Variants in DNAH5 observed in about 807,000 individuals in gnomAD.
The protein encoded by DNAH5 is dynein axonemal heavy chain 5.
A neutral mutation model predicts 518.2 loss-of-function variants in DNAH5; 372 were observed. The observed-to-expected ratio is 0.72, with a 90% CI of 0.66 to 0.78. The LOEUF (loss-of-function observed/expected upper bound fraction) is 0.78. DNAH5 is among the 30% of genes least tolerant of loss of function. The pLI, the probability that DNAH5 is intolerant of heterozygous loss-of-function variation, is 0.00. For synonymous variants in DNAH5, 2,039 were observed against 2,025.9 expected (o/e 1.01, Z -0.17); for missense variants, 5,523 against 5,687.0 (o/e 0.97, Z 0.93).
At chr5:13,931,376 T>A in intron 1 of DNAH5, 132 bp from the exon 2 acceptor site, 1 of 885,654 alleles carries the variant, frequency 1.1e-6, no homozygotes, top group South Asian at 1.5e-5. Flanking sequence ...ATGGTACCAA[T>A]TTTTATGTAC....
In DNAH5 at chr5:13,808,225, C is replaced by CAA. The variant is rs56686032; in HGVS notation, c.7753-502_7753-501dup. The stretch of plus-strand genomic sequence containing the variant: ...AACCTGGGTGACAGAGACTCCATCT[C>CAA]AAAAAAAAAAAAAAAAAAAAAAAGA... On this transcript the variant is annotated intron_variant, in intron 46 of 78. Coordinates refer to ENST00000265104, the MANE Select transcript of DNAH5 (RefSeq NM_001369.3). Among the ~76,000 whole-genome samples, 281 of 85,024 alleles carry CAA rather than the reference C, an allele frequency of 3.3e-3. 3 individuals carry two copies. Among genetic ancestry groups the CAA allele is most frequent in the South Asian group, 5.2e-3 (12 of 2,328 alleles). The allele number at this position is 85,024 out of a possible 152,430, so 55.8% of individuals were successfully genotyped here. A position where few individuals can be genotyped will look rare whatever the true frequency, so the allele number is the denominator to read the frequency against.
intron 50 of DNAH5, 62 bp from the exon 51 acceptor site, chr5:13,788,976 G>A: frequency 6.9e-7 from 1 of 1,455,808 alleles, no homozygotes. Flanking sequence ...GGGAATTCAG[G>A]TTGACAGTAC....
At chr5:13,973,221 C>T (rs541656917) in intron 1 of DNAH5, among the ~76,000 whole-genome samples, 114 of 152,284 alleles carry the variant, frequency 7.5e-4, no homozygotes, top group South Asian at 2.3e-3. Flanking sequence ...TTCAGATGAC[C>T]TTTAGAAGCT....
At chr5:13,741,882 T>C (rs532030938) in intron 65 of DNAH5, among the ~76,000 whole-genome samples, 2 of 152,236 alleles carry the variant, frequency 1.3e-5, no homozygotes, top group South Asian at 4.1e-4. Flanking sequence ...AGCCTCAGTA[T>C]TTTCATCCAC....
chr5:13,720,861 T>A (rs1410056626), intron 71 of DNAH5, 139 bp downstream of exon 71: 99 of 1,088,354 alleles, frequency 9.1e-5, no homozygotes, highest in East Asian at 4.9e-4. Context: ...AGCTTAAATT[T>A]AAAAAAAAAA....
chr5:13,832,735 A>C (rs915362782), intron 35 of DNAH5, among the ~76,000 whole-genome samples: 1 of 152,190 alleles, frequency 6.6e-6, no homozygotes, highest in African/African-American at 2.4e-5. Context: ...CATTGGTTGA[A>C]TAAATGGCTT....
chr5:13,717,268 C>T (rs1376800428), intron 73 of DNAH5, 47 bp downstream of exon 73: 1 of 1,561,390 alleles, frequency 6.4e-7, no homozygotes, highest in Admixed American at 1.7e-5. Context: ...GCTTGATGGC[C>T]CAAGCCCACA....
chr5:13,899,147 T>C (rs1774266191), intron 15 of DNAH5: 1 of 152,346 alleles, frequency 6.6e-6, no homozygotes, highest in South Asian at 2.1e-4. Flanking sequence ...GCCAGGCTGG[T>C]CTCGAACTCC....
intron 1 of DNAH5, among the ~76,000 whole-genome samples, chr5:13,962,217 C>T (rs997774336): frequency 1.3e-5 from 2 of 152,110 alleles, no homozygotes; most frequent in African/African-American, 4.8e-5. Flanking sequence ...GAACCCTGAA[C>T]ATGATTGATA....
Position 13,856,923 on chromosome 5 carries a change from C to T in DNAH5, c.4950+2529G>A, listed in dbSNP as rs1580611756. Reference sequence around the variant, plus strand: ...CAATATCATACTGAATAGGCAAAAGCTGGAAGCATTCCTTTTGAAAACCGA... The same window carrying T: ...CAATATCATACTGAATAGGCAAAAGTTGGAAGCATTCCTTTTGAAAACCGA... On this transcript the variant is annotated intron_variant, in intron 30 of 78. Transcript: ENST00000265104. 2.6e-5 allele frequency among the ~76,000 whole-genome samples: 4 copies of T among 152,252 alleles called. 1 individual carries two copies. The highest frequency in any genetic ancestry group is 2.6e-4 in the Admixed American group (4 of 15,300).
chr5:13,712,012 A>G (rs770662409), intron 75 of DNAH5, among the ~76,000 whole-genome samples: 20 of 152,176 alleles, frequency 1.3e-4, no homozygotes, highest in Non-Finnish European at 2.4e-4. Flanking sequence ...AGAAACAACA[A>G]TTCTAAACTT....
At chr5:13,712,528 C>T (rs1203527004) in intron 75 of DNAH5, among the ~76,000 whole-genome samples, 3 of 152,128 alleles carry the variant, frequency 2.0e-5, no homozygotes, top group Non-Finnish European at 4.4e-5. Flanking sequence ...GCAGAGTGAA[C>T]AAACAACCCA....
At chr5:13,703,523 G>GTTCACA (rs1742399092) in intron 76 of DNAH5, among the ~76,000 whole-genome samples, 1 of 152,182 alleles carries the variant, frequency 6.6e-6, no homozygotes. Context: ...CAGCATCCAT[G>GTTCACA]TGAATGATGC....
Position 13,750,954 on chromosome 5 carries a change from G to GA in DNAH5, c.11211+123dup, listed in dbSNP as rs1561171629. The GA allele has an allele frequency of 6.3e-6, 7 of 1,112,616 alleles. No homozygotes were observed. In the East Asian group the frequency reaches 7.7e-5, roughly 12 times the overall value. 68.9% of individuals were successfully genotyped at this position (1,112,616 alleles called of 1,614,324 possible). ...AAAAGAAAACACTTGGAGATTAATG[G>GA]AAAAAAACACAGGGAATAAAAGGAG... On this transcript the variant is annotated intron_variant, in intron 65 of 78. Coordinates refer to ENST00000265104, the MANE Select transcript of DNAH5 (RefSeq NM_001369.3).
intron 31 of DNAH5, among the ~76,000 whole-genome samples, chr5:13,847,794 G>A (rs1766242576): frequency 6.6e-6 from 1 of 151,936 alleles, no homozygotes; most frequent in Non-Finnish European, 1.5e-5. Context: ...CTGTCTGTCT[G>A]TCTGTGGTGG....
chr5:13,876,641 G>A (rs762829157), intron 22 of DNAH5, 43 bp downstream of exon 22: 10 of 1,606,172 alleles, frequency 6.2e-6, no homozygotes, highest in Non-Finnish European at 7.7e-6. Context: ...ACAAGTGCAT[G>A]TTGCAAAGCA....
At position 13,859,698 on chromosome 5, in the gene DNAH5, G is replaced by T. The variant is rs1867677; in HGVS notation, c.4797-93C>A. On this transcript the variant is annotated intron_variant, in intron 29 of 78. Coordinates refer to ENST00000265104, the MANE Select transcript of DNAH5 (RefSeq NM_001369.3). ...TTTTTAAAAATCTTAATTTTTAACC[G>T]CTTTCTTTACAACCTTAATTATGTT... 0.98 allele frequency: 1,176,765 copies of T among 1,206,310 alleles called. 574,238 individuals are homozygous for T. Among genetic ancestry groups the T allele is most frequent in the Non-Finnish European group, 0.98 (800,187 of 815,830 alleles). 74.7% of individuals were successfully genotyped at this position (1,206,310 alleles called of 1,614,324 possible). A position where few individuals can be genotyped will look rare whatever the true frequency, so the allele number is the denominator to read the frequency against.
At chr5:13,968,780 T>C (rs1485630251) in intron 1 of DNAH5, among the ~76,000 whole-genome samples, 2 of 152,206 alleles carry the variant, frequency 1.3e-5, no homozygotes, top group African/African-American at 4.8e-5. Context: ...GTTTTCTTTC[T>C]TTGTTATGTC....
intron 47 of DNAH5, among the ~76,000 whole-genome samples, chr5:13,799,210 C>CCG (rs1554054098): frequency 7.9e-5 from 11 of 139,720 alleles, no homozygotes; most frequent in Non-Finnish European, 1.4e-4. Flanking sequence ...TTTCATACCC[C>CCG]CCCCCACAAA....
Sources: gnomAD v4.1 joint callset for allele counts (sites outside exome capture counted in the v4.1 genomes callset) on GRCh38, gnomAD v4.1.1 for gene constraint, MANE v1.5 for transcripts, NCBI Gene and HGNC (gene_info 2026-07-23, HGNC 2026-07-21) for gene names.